Variants in NDUFA10 observed in about 807,000 individuals in gnomAD.
NDUFA10 encodes NADH:ubiquinone oxidoreductase subunit A10, also known as NADH dehydrogenase [ubiquinone] 1 alpha subcomplex subunit 10, mitochondrial.
In NDUFA10, 40 loss-of-function variants were observed where a neutral mutation model predicts 47.8. The ratio of observed to expected loss-of-function variants is 0.84; its 90% CI spans 0.65 to 1.09. The LOEUF (loss-of-function observed/expected upper bound fraction) is 1.09. Ranked by LOEUF, NDUFA10 falls within the 50% of genes least tolerant of loss-of-function variation. The pLI is 0.00. For synonymous variants in NDUFA10, 183 were observed against 172.2 expected (o/e 1.06, Z -0.49); for missense variants, 413 against 451.1 (o/e 0.92, Z 0.76).
intron 4 of NDUFA10, among the ~76,000 whole-genome samples, chr2:239,904,182 C>A (rs1693603673): frequency 1.3e-5 from 2 of 152,314 alleles, no homozygotes; most frequent in African/African-American, 4.8e-5. Context: ...TGGCCAGAAC[C>A]TTCCAGTGTG....
At chr2:239,955,727 G>A (rs1694639741), downstream of NDUFA10, among the ~76,000 whole-genome samples, 1 of 152,182 alleles carries the variant, frequency 6.6e-6, no homozygotes, top group South Asian at 2.1e-4. Flanking sequence ...CAGGCCCAAG[G>A]GGAGCCGAGT....
At chr2:239,966,104 T>C (rs557336498) in intron 9 of NDUFA10, among the ~76,000 whole-genome samples, 2 of 152,336 alleles carry the variant, frequency 1.3e-5, no homozygotes, top group African/African-American at 4.8e-5. Flanking sequence ...CCCATGACCC[T>C]GGCGTGTGTC....
At chr2:239,896,577 C>T (rs1430657997) in intron 4 of NDUFA10, among the ~76,000 whole-genome samples, 6 of 152,166 alleles carry the variant, frequency 3.9e-5, no homozygotes, top group Non-Finnish European at 8.8e-5. Flanking sequence ...GTTCCATCAT[C>T]GGAAATGCCA....
At chr2:240,009,648 G>C (rs1241186691) in intron 6 of NDUFA10, among the ~76,000 whole-genome samples, 30 of 152,144 alleles carry the variant, frequency 2.0e-4, no homozygotes, top group Admixed American at 1.9e-3. Context: ...CAGAGAGAAG[G>C]GCTAACACAG....
intron 5 of NDUFA10, among the ~76,000 whole-genome samples, chr2:239,893,003 A>G (rs548877663): frequency 4.6e-5 from 7 of 152,262 alleles, no homozygotes; most frequent in African/African-American, 1.7e-4. Context: ...CTGAACGCCT[A>G]CGTGGAGAGG....
intron 8 of NDUFA10, among the ~76,000 whole-genome samples, chr2:240,004,788 TA>T (rs1158649659): frequency 6.6e-6 from 1 of 152,136 alleles, no homozygotes; most frequent in East Asian, 1.9e-4. Flanking sequence ...TGGCCTCACT[TA>T]GGCCTCATCC....
At chr2:239,994,682 A>C (rs972554937) in intron 8 of NDUFA10, among the ~76,000 whole-genome samples, 1 of 152,154 alleles carries the variant, frequency 6.6e-6, no homozygotes, top group African/African-American at 2.4e-5. Flanking sequence ...CCTGGTGCCA[A>C]AAAGGTTTGG....
At chr2:240,013,870 C>T (rs1697231494) in intron 5 of NDUFA10, 1 of 152,108 alleles carries the variant, frequency 6.6e-6, no homozygotes, top group African/African-American at 2.4e-5. Flanking sequence ...TATTCTCCTC[C>T]AGGAAAAAAT....
chr2:239,965,483 C>T (rs1210344359), intron 9 of NDUFA10, among the ~76,000 whole-genome samples: 1 of 152,176 alleles, frequency 6.6e-6, no homozygotes, highest in African/African-American at 2.4e-5. Context: ...GGGAGGAAAG[C>T]AGCAAAGCCC....
At chr2:240,012,942 T>C in intron 5 of NDUFA10, 1 of 152,156 alleles carries the variant, frequency 6.6e-6, no homozygotes, top group East Asian at 1.9e-4. Context: ...GAGGAGTGAG[T>C]GAAATCAACA....
chr2:239,929,597 GGCCCTGCTTCTCCACCA>G (rs1390312512), intron 4 of NDUFA10, among the ~76,000 whole-genome samples: 1 of 151,632 alleles, frequency 6.6e-6, no homozygotes, highest in African/African-American at 2.4e-5. Context: ...CTCCTCCGCC[GGCCCTGCTTCTCCACCA>G]GCCCTGCTCC....
At chr2:239,936,728 G>A (rs1464971172) in intron 4 of NDUFA10, among the ~76,000 whole-genome samples, 2 of 152,204 alleles carry the variant, frequency 1.3e-5, no homozygotes, top group African/African-American at 4.8e-5. Context: ...CCAGGCGGGT[G>A]GATCACCTGA....
At chr2:239,918,254 T>C (rs10188556) in intron 4 of NDUFA10, among the ~76,000 whole-genome samples, 34,248 of 151,888 alleles carry the variant, frequency 0.23, 5,370 homozygotes, top group African/African-American at 0.45. Context: ...ATTGGGTATT[T>C]TCCACTGAGG....
intron 4 of NDUFA10, among the ~76,000 whole-genome samples, chr2:239,909,395 G>A (rs1693710485): frequency 1.3e-5 from 2 of 152,134 alleles, no homozygotes; most frequent in Admixed American, 6.5e-5. Flanking sequence ...GGCAGATCAC[G>A]AGGTCAGGAG....
chr2:239,976,871 TCCCAGAACA>T (rs1695545290), intron 9 of NDUFA10, among the ~76,000 whole-genome samples: 1 of 152,096 alleles, frequency 6.6e-6, no homozygotes, highest in Admixed American at 6.5e-5. Flanking sequence ...TAAGAGCAGC[TCCCAGAACA>T]CTGGCAACTT....
At chr2:240,017,458 TCTC>T (rs1405895685) in intron 4 of NDUFA10, among the ~76,000 whole-genome samples, 6 of 152,098 alleles carry the variant, frequency 3.9e-5, no homozygotes, top group Non-Finnish European at 8.8e-5. Context: ...GTTACACATT[TCTC>T]CTATGTGCCC....
intron 4 of NDUFA10, among the ~76,000 whole-genome samples, chr2:239,900,627 A>G (rs1257392513): frequency 2.0e-5 from 3 of 151,146 alleles, no homozygotes; most frequent in Non-Finnish European, 4.4e-5. Flanking sequence ...AGTCACCCAC[A>G]TAGCCCAGCA....
chr2:239,931,527 G>A (rs1694173209), intron 4 of NDUFA10, among the ~76,000 whole-genome samples: 1 of 152,000 alleles, frequency 6.6e-6, no homozygotes, highest in Non-Finnish European at 1.5e-5. Flanking sequence ...TTTCCACCAA[G>A]CGGGGTCTCC....
intron 4 of NDUFA10, among the ~76,000 whole-genome samples, chr2:239,940,737 G>A (rs1246505375): frequency 6.6e-6 from 1 of 152,204 alleles, no homozygotes; most frequent in Non-Finnish European, 1.5e-5. Context: ...AGAGATCAGA[G>A]ATATTTAAAT....
Sources: allele counts gnomAD v4.1 joint callset (sites outside exome capture counted in the v4.1 genomes callset), GRCh38; gene constraint gnomAD v4.1.1; transcripts MANE v1.5; gene names NCBI Gene and HGNC (gene_info 2026-07-23, HGNC 2026-07-21).